The following EPB41 variants were observed in gnomAD, a reference collection of about 807,000 sequenced individuals.
EPB41 encodes erythrocyte membrane protein band 4.1.
Under a neutral mutation model 108.0 loss-of-function variants are expected in EPB41, and 65 were observed. That is an observed-to-expected ratio of 0.60 (90% confidence interval 0.49 to 0.74). The LOEUF is 0.74. EPB41 is among the 30% of genes least tolerant of loss of function. EPB41 has a pLI of 0.00. For missense variants in EPB41, 875 were observed against 1,037.0 expected (o/e 0.84, Z 2.15); for synonymous variants, 336 against 358.9 (o/e 0.94, Z 0.72).
chr1:28,938,879 G>A (rs958085086), intron 1 of EPB41, among the ~76,000 whole-genome samples: 2 of 152,088 alleles, frequency 1.3e-5, no homozygotes, highest in African/African-American at 4.8e-5. Flanking sequence ...TTTTTTTTGT[G>A]TGGATTCCTT....
In EPB41 at chr1:29,118,814, G is replaced by A. The variant is rs1671404440; in HGVS notation, c.*2002G>A. On this transcript the variant is annotated 3_prime_UTR_variant, in exon 21 of 21. Coordinates refer to ENST00000343067, the MANE Select transcript of EPB41 (RefSeq NM_001376013.1). ...TCTGAAAGGTGGGCTTTGGGGTAGT[G>A]CCCAAGCCTGGTCGTGTTGCCAGGA... is the stretch of plus-strand genomic sequence containing the variant. The A allele has an allele frequency of 6.6e-6, 1 of 152,288 alleles. No individual in the cohort carries two copies. The highest frequency in any genetic ancestry group is 1.5e-5 in the Non-Finnish European group (1 of 68,094). The allele number at this position is 152,288 out of a possible 1,614,324, so 9.4% of individuals were successfully genotyped here.
intron 1 of EPB41, among the ~76,000 whole-genome samples, chr1:28,980,480 C>A (rs1471628190): frequency 6.6e-6 from 1 of 151,948 alleles, no homozygotes; most frequent in Non-Finnish European, 1.5e-5. Context: ...GAGGCTGAGG[C>A]AGGAGGATCA....
intron 16 of EPB41, among the ~76,000 whole-genome samples, chr1:29,077,061 G>A (rs576129415): frequency 5.8e-4 from 88 of 152,198 alleles, no homozygotes; most frequent in Non-Finnish European, 1.1e-3. Flanking sequence ...TTTTCACATA[G>A]AATCTCTTGT....
intron 1 of EPB41, among the ~76,000 whole-genome samples, chr1:28,959,731 T>C (rs1023154543): frequency 6.6e-6 from 1 of 152,184 alleles, no homozygotes; most frequent in Non-Finnish European, 1.5e-5. Context: ...GTGATTGGGT[T>C]TAACTAATTT....
intron 7 of EPB41, among the ~76,000 whole-genome samples, chr1:29,019,450 T>G (rs1292447984): frequency 6.6e-6 from 1 of 152,208 alleles, no homozygotes; most frequent in Non-Finnish European, 1.5e-5. Context: ...AATATTAAAG[T>G]GCCAGAATAA....
intron 1 of EPB41, among the ~76,000 whole-genome samples, chr1:28,949,509 T>C (rs1037738560): frequency 3.3e-5 from 5 of 152,304 alleles, no homozygotes; most frequent in African/African-American, 1.2e-4. Flanking sequence ...TTTAAAAATA[T>C]ATTGTTTAGT....
intron 11 of EPB41, among the ~76,000 whole-genome samples, chr1:29,047,455 T>G (rs1164308801): frequency 1.3e-5 from 2 of 150,086 alleles, no homozygotes; most frequent in African/African-American, 4.9e-5. Flanking sequence ...GGTCTTACTG[T>G]GTTGCCCAGG....
At chr1:29,083,309 T>C (rs957734921) in intron 16 of EPB41, among the ~76,000 whole-genome samples, 11 of 152,228 alleles carry the variant, frequency 7.2e-5, no homozygotes, top group African/African-American at 4.8e-5. Flanking sequence ...TAGCCCATGG[T>C]TACTCTGTTG....
At chr1:29,103,396 C>CT (rs1666105751) in intron 17 of EPB41, among the ~76,000 whole-genome samples, 1 of 152,162 alleles carries the variant, frequency 6.6e-6, no homozygotes, top group Admixed American at 6.5e-5. Flanking sequence ...AGCCCGTGGG[C>CT]TTTGGAATTA....
intron 16 of EPB41, among the ~76,000 whole-genome samples, chr1:29,066,699 G>A (rs1241211449): frequency 6.6e-6 from 1 of 151,880 alleles, no homozygotes; most frequent in Non-Finnish European, 1.5e-5. Flanking sequence ...TTGAGATGGA[G>A]TTTCACTCTT....
chr1:28,930,093 C>T (rs1225176164), intron 1 of EPB41, among the ~76,000 whole-genome samples: 3 of 149,622 alleles, frequency 2.0e-5, no homozygotes, highest in East Asian at 2.0e-4. Context: ...TTATGTCTCT[C>T]TAGATTTACC....
chr1:28,994,802 G>A (rs1191529348), intron 3 of EPB41, among the ~76,000 whole-genome samples: 2 of 150,716 alleles, frequency 1.3e-5, no homozygotes, highest in African/African-American at 4.9e-5. Context: ...GGGACTACAG[G>A]CACATACCAT....
intron 1 of EPB41, among the ~76,000 whole-genome samples, chr1:28,961,793 T>G (rs989324607): frequency 1.3e-5 from 2 of 152,172 alleles, no homozygotes; most frequent in Non-Finnish European, 2.9e-5. Flanking sequence ...CCTTTCCAGA[T>G]CCAGGAGTGG....
rs554727395 is a variant in EPB41 at position 28,979,673 on chromosome 1, T to A, written c.-7-7758T>A. Among the ~76,000 whole-genome samples the A allele has an allele frequency of 5.9e-5, 9 of 151,566 alleles. No homozygotes were observed. The South Asian group carries it at 1.7e-3, about 28-fold the overall frequency. On this transcript the variant is annotated intron_variant, in intron 1 of 20. Transcript: ENST00000343067. ...CTAATATAGCAAAACTAGCACATGC[T>A]TCACTTTGGCTAATGGATGGTACTT...
intron 1 of EPB41, among the ~76,000 whole-genome samples, chr1:28,930,335 A>T (rs1570798853): frequency 6.6e-6 from 1 of 151,080 alleles, no homozygotes; most frequent in Admixed American, 6.6e-5. Context: ...AAAAAAAAAA[A>T]AATTTTTTTT....
At chr1:29,076,353 C>T (rs1242421387) in intron 16 of EPB41, among the ~76,000 whole-genome samples, 2 of 152,174 alleles carry the variant, frequency 1.3e-5, no homozygotes, top group African/African-American at 4.8e-5. Flanking sequence ...AAATTTCTGG[C>T]TGTCCCAGCT....
At chr1:28,918,720 C>T (rs1340388942) in intron 1 of EPB41, among the ~76,000 whole-genome samples, 1 of 152,156 alleles carries the variant, frequency 6.6e-6, no homozygotes, top group Non-Finnish European at 1.5e-5. Flanking sequence ...GAGACCACTG[C>T]ATTCCAGCCT....
intron 19 of EPB41, among the ~76,000 whole-genome samples, chr1:29,114,085 C>T (rs1432969787): frequency 6.6e-6 from 1 of 152,128 alleles, no homozygotes; most frequent in Non-Finnish European, 1.5e-5. Context: ...TTTCCTTCTT[C>T]CCTTGCCCCT....
At chr1:29,037,260 T>C (rs1231159826) in intron 10 of EPB41, among the ~76,000 whole-genome samples, 1 of 151,882 alleles carries the variant, frequency 6.6e-6, no homozygotes, top group Non-Finnish European at 1.5e-5. Context: ...TTTTGTATTT[T>C]TAGTAGAGAT....
Sources: allele counts gnomAD v4.1 joint callset (sites outside exome capture counted in the v4.1 genomes callset), GRCh38; gene constraint gnomAD v4.1.1; transcripts MANE v1.5; gene names NCBI Gene and HGNC (gene_info 2026-07-23, HGNC 2026-07-21).